CNTNAP2: variants seen among roughly 807,000 people sequenced by gnomAD.
CNTNAP2 encodes contactin associated protein 2, also known as contactin-associated protein-like 2.
Under a neutral mutation model 155.2 loss-of-function variants are expected in CNTNAP2, and 98 were observed. The ratio of observed to expected loss-of-function variants is 0.63; its 90% CI spans 0.54 to 0.75. The LOEUF is 0.75. CNTNAP2 is among the 30% of genes least tolerant of loss of function. CNTNAP2 has a pLI of 0.00. For missense variants in CNTNAP2, 1,727 were observed against 1,688.1 expected (o/e 1.02, Z -0.40); for synonymous variants, 651 against 631.2 (o/e 1.03, Z -0.47).
intron 15 of CNTNAP2, among the ~76,000 whole-genome samples, chr7:148,025,683 C>G (rs1330511409): frequency 6.6e-6 from 1 of 152,154 alleles, no homozygotes; most frequent in African/African-American, 2.4e-5. Context: ...TCTCTGTTAC[C>G]ATTCTTACAC....
At chr7:146,960,337 T>C (rs1229611825) in intron 3 of CNTNAP2, among the ~76,000 whole-genome samples, 1 of 152,222 alleles carries the variant, frequency 6.6e-6, no homozygotes, top group Non-Finnish European at 1.5e-5. Flanking sequence ...AGTTTTAGCA[T>C]TTCATGAGTC....
At chr7:146,276,725 T>A (rs1484445301) in intron 1 of CNTNAP2, among the ~76,000 whole-genome samples, 1 of 152,110 alleles carries the variant, frequency 6.6e-6, no homozygotes. Context: ...TGACCACATT[T>A]GAATGGACTG....
intron 1 of CNTNAP2, among the ~76,000 whole-genome samples, chr7:146,713,418 T>C (rs1365767385): frequency 6.6e-6 from 1 of 152,140 alleles, no homozygotes; most frequent in Non-Finnish European, 1.5e-5. Flanking sequence ...GGGAAATGAT[T>C]CAGCTTGTCC....
At chr7:146,279,752 A>G (rs1016030954) in intron 1 of CNTNAP2, among the ~76,000 whole-genome samples, 1 of 151,994 alleles carries the variant, frequency 6.6e-6, no homozygotes, top group Non-Finnish European at 1.5e-5. Context: ...ACATGGACAC[A>G]ATTTTTCATT....
rs189883693 is a variant in CNTNAP2 at position 146,282,362 on chromosome 7, G to A, written c.97+165389G>A. Among the ~76,000 whole-genome samples, 214 of 152,266 alleles carry A rather than the reference G, an allele frequency of 1.4e-3. 1 individual carries two copies. The highest frequency in any genetic ancestry group is 4.9e-3 in the African/African-American group (202 of 41,562). Reference sequence around the variant, plus strand: ...CACTGTCTACATACCTAGCTCCATCGACTGCATCTGTGACCTTGTCTGTCT... The same window carrying A: ...CACTGTCTACATACCTAGCTCCATCAACTGCATCTGTGACCTTGTCTGTCT... On this transcript the variant is annotated intron_variant, in intron 1 of 23. Coordinates refer to ENST00000361727, the MANE Select transcript of CNTNAP2 (RefSeq NM_014141.6).
intron 14 of CNTNAP2, among the ~76,000 whole-genome samples, chr7:147,953,645 T>G (rs906759933): frequency 1.3e-5 from 2 of 152,154 alleles, no homozygotes; most frequent in African/African-American, 4.8e-5. Flanking sequence ...AGCAACAAAG[T>G]ACCATAAACA....
chr7:146,762,266 T>C (rs73170320), intron 1 of CNTNAP2, among the ~76,000 whole-genome samples: 1 of 152,308 alleles, frequency 6.6e-6, no homozygotes, highest in Non-Finnish European at 1.5e-5. Context: ...TTTTGTCTTG[T>C]TGTGGGCTTC....
intron 11 of CNTNAP2, among the ~76,000 whole-genome samples, chr7:147,507,956 CT>C (rs1007625678): frequency 2.6e-5 from 4 of 152,076 alleles, no homozygotes; most frequent in Admixed American, 6.5e-5. Context: ...ACTTCCTGGG[CT>C]TTTTCTTTAG....
chr7:146,965,837 C>G (rs1336537083), intron 3 of CNTNAP2, among the ~76,000 whole-genome samples: 1 of 152,200 alleles, frequency 6.6e-6, no homozygotes, highest in Non-Finnish European at 1.5e-5. Context: ...TTGAGTACAA[C>G]AGGTGTCATT....
At chr7:147,013,998 TAGA>T (rs1321469123) in intron 3 of CNTNAP2, among the ~76,000 whole-genome samples, 1 of 152,166 alleles carries the variant, frequency 6.6e-6, no homozygotes, top group Non-Finnish European at 1.5e-5. Flanking sequence ...TTGTCTATAT[TAGA>T]AGCACAGTGA....
chr7:147,576,625 G>T (rs1052122268), intron 12 of CNTNAP2, among the ~76,000 whole-genome samples: 1 of 152,070 alleles, frequency 6.6e-6, no homozygotes, highest in African/African-American at 2.4e-5. Flanking sequence ...GAGTTCACTA[G>T]ATTCTTTCAT....
At chr7:148,099,421 T>TG (rs1804047635) in intron 15 of CNTNAP2, among the ~76,000 whole-genome samples, 1 of 140,966 alleles carries the variant, frequency 7.1e-6, no homozygotes, top group African/African-American at 2.7e-5. Flanking sequence ...AGCATTGCAA[T>TG]TGTGTGTGTG....
At chr7:147,041,525 T>C (rs1799259404) in intron 3 of CNTNAP2, among the ~76,000 whole-genome samples, 1 of 152,172 alleles carries the variant, frequency 6.6e-6, no homozygotes, top group Non-Finnish European at 1.5e-5. Context: ...CTCTTGTCTT[T>C]CAAACACCAC....
At chr7:148,088,711 A>C (rs1342841738) in intron 15 of CNTNAP2, among the ~76,000 whole-genome samples, 1 of 152,030 alleles carries the variant, frequency 6.6e-6, no homozygotes, top group East Asian at 1.9e-4. Flanking sequence ...TGATAGCTTT[A>C]CTGCTGAATT....
At chr7:147,854,938 C>G (rs76527908) in intron 13 of CNTNAP2, among the ~76,000 whole-genome samples, 2,815 of 152,142 alleles carry the variant, frequency 0.019, 98 homozygotes, top group East Asian at 0.15. Context: ...TTTGAAGACA[C>G]CGCCCAAGAA....
intron 13 of CNTNAP2, among the ~76,000 whole-genome samples, chr7:147,848,801 A>C (rs1228930412): frequency 6.6e-6 from 1 of 152,228 alleles, no homozygotes; most frequent in African/African-American, 2.4e-5. Flanking sequence ...CATAGAACAA[A>C]AATTCATAGA....
chr7:147,380,081 T>A (rs533035930), intron 9 of CNTNAP2, among the ~76,000 whole-genome samples: 1 of 152,152 alleles, frequency 6.6e-6, no homozygotes, highest in Non-Finnish European at 1.5e-5. Context: ...CCTTAGAGAT[T>A]ATTGTTTCTG....
intron 1 of CNTNAP2, among the ~76,000 whole-genome samples, chr7:146,213,034 T>C (rs1186057950): frequency 6.6e-6 from 1 of 152,220 alleles, no homozygotes; most frequent in Non-Finnish European, 1.5e-5. Flanking sequence ...GGACGGCTAC[T>C]GTAGAAGTGT....
rs570349991 is a variant in CNTNAP2 at position 147,024,169 on chromosome 7, T to G, written c.403-19738T>G. Among the ~76,000 whole-genome samples the G allele has an allele frequency of 2.0e-5, 3 of 152,334 alleles. No individual in the cohort carries two copies. In the South Asian group the frequency reaches 6.2e-4, roughly 32 times the overall value. On this transcript the variant is annotated intron_variant, in intron 3 of 23. Coordinates refer to ENST00000361727, the MANE Select transcript of CNTNAP2 (RefSeq NM_014141.6). ...AATGGACACTATAGTGAGGACTAAA[T>G]TCAAAAATGACAGCCAAACTGGATT...
Sources: allele counts gnomAD v4.1 joint callset (sites outside exome capture counted in the v4.1 genomes callset), GRCh38; gene constraint gnomAD v4.1.1; transcripts MANE v1.5; gene names NCBI Gene and HGNC (gene_info 2026-07-23, HGNC 2026-07-21).